Variants in PINLYP observed in about 807,000 individuals in gnomAD.
PINLYP encodes phospholipase A2 inhibitor and Ly6/PLAUR domain-containing protein.
PINLYP carries 12 observed loss-of-function variants against 15.8 expected under a neutral mutation model. That is an observed-to-expected ratio of 0.76 (90% CI 0.49 to 1.23). The LOEUF (loss-of-function observed/expected upper bound fraction) is 1.23, where lower values mean the gene tolerates loss of function less well. Ranked by LOEUF, PINLYP falls within the 50% of genes most tolerant of loss-of-function variation. PINLYP has a pLI of 0.00. For missense variants in PINLYP, 278 were observed against 264.2 expected (o/e 1.05, Z -0.36); for synonymous variants, 93 against 97.7 (o/e 0.95, Z 0.28).
intron 3 of PINLYP, among the ~76,000 whole-genome samples, chr19:43,579,270 G>C (rs372508914): frequency 7.9e-5 from 12 of 152,076 alleles, no homozygotes; most frequent in African/African-American, 2.4e-4. Flanking sequence ...TTTTGAGACA[G>C]AGTCTCGCTC....
In PINLYP at chr19:43,581,197, G is replaced by C; in HGVS notation, c.188-15G>C. 6.5e-7 allele frequency: 1 copy of C among 1,536,270 alleles called. No individual in the cohort carries two copies. Reference sequence around the variant, plus strand: ...TGGTCAGCCAGCACTGTCCCTGCCTGTCCCCATCCCACAGAGGGCAAGGAG... The same window carrying C: ...TGGTCAGCCAGCACTGTCCCTGCCTCTCCCCATCCCACAGAGGGCAAGGAG... On this transcript the variant is annotated splice_polypyrimidine_tract_variant and intron_variant, in intron 3 of 5. Coordinates refer to ENST00000599207, the Ensembl canonical transcript of PINLYP.
intron 2 of PINLYP, 125 bp from the exon 3 acceptor site, chr19:43,578,465 C>T (rs991904213): frequency 3.2e-5 from 21 of 649,974 alleles, no homozygotes; most frequent in Admixed American, 1.0e-4. Context: ...GTCAACATCC[C>T]GCCCATGAAA....
At chr19:43,581,080 GAAAA>G (rs199659802) in intron 3 of PINLYP, 128 bp from the exon 4 acceptor site, 1 of 1,072,778 alleles carries the variant, frequency 9.3e-7, no homozygotes. Context: ...AGAAAAGAAA[GAAAA>G]AAAAGAAAGA....
exon 4 of PINLYP, chr19:43,581,261 C>A: frequency 6.5e-7 from 1 of 1,537,164 alleles, no homozygotes; most frequent in African/African-American, 1.4e-5. Context: ...GGTCCCAGGA[C>A]TGCTACTCCG....
rs867061005 is a variant in PINLYP, at chr19:43,581,491, C to T, written c.341-72C>T. ...TGTCTATTAGCAACCCTGGTGTTTCCCGGGGTTGTTGGGAGGTTGGGGGAA... is the reference window on the plus strand; with the variant it reads ...TGTCTATTAGCAACCCTGGTGTTTCTCGGGGTTGTTGGGAGGTTGGGGGAA... On this transcript the variant is annotated intron_variant, in intron 4 of 5. Coordinates refer to ENST00000599207, the Ensembl canonical transcript of PINLYP. 4.0e-6 allele frequency: 6 copies of T among 1,507,942 alleles called. No individual in the cohort carries two copies. In the African/African-American group the frequency reaches 6.9e-5, roughly 17 times the overall value. 93.4% of individuals were successfully genotyped at this position (1,507,942 alleles called of 1,614,324 possible).
At position 43,580,558 on chromosome 19, in the gene PINLYP, T is replaced by TG. The variant is rs1462899916; in HGVS notation, c.188-649dup. 8.2e-5 allele frequency: 78 copies of TG among 947,702 alleles called. 1 individual carries two copies. Among genetic ancestry groups the TG allele is most frequent in the Non-Finnish European group, 9.2e-5 (76 of 822,560 alleles). 58.7% of individuals were successfully genotyped at this position (947,702 alleles called of 1,614,324 possible). A position where few individuals can be genotyped will look rare whatever the true frequency, so the allele number is the denominator to read the frequency against. On this transcript the variant is annotated intron_variant, in intron 3 of 5. Transcript: ENST00000599207. Reference sequence around the variant, plus strand: ...TGGAAGAGACCATTTCACGAAGGCATGGGGGTGGCCATAGGCGGCCTGAAA... The same window carrying TG: ...TGGAAGAGACCATTTCACGAAGGCATGGGGGGTGGCCATAGGCGGCCTGAAA...
At chr19:43,577,878 A>C (rs955429625) in intron 2 of PINLYP, among the ~76,000 whole-genome samples, 1 of 152,184 alleles carries the variant, frequency 6.6e-6, no homozygotes, top group East Asian at 1.9e-4. Flanking sequence ...TGCACTCCCC[A>C]GCCTGGGTGA....
chr19:43,575,548 C>T (rs750297329), upstream of PINLYP: 10 of 1,433,582 alleles, frequency 7.0e-6, no homozygotes, highest in African/African-American at 1.4e-5. Flanking sequence ...GGGGTGCGCC[C>T]TGCGCTGGCT....
chr19:43,581,517 C>T (rs573690945), intron 4 of PINLYP, 46 bp from the exon 5 acceptor site: 41 of 1,513,380 alleles, frequency 2.7e-5, no homozygotes, highest in East Asian at 1.7e-4. Context: ...GTTGGGGGAA[C>T]GGCTTAAACA....
At chr19:43,581,749 C>T (rs1972937214) in intron 5 of PINLYP, 46 bp downstream of exon 5, 1 of 1,534,980 alleles carries the variant, frequency 6.5e-7, no homozygotes, top group African/African-American at 1.4e-5. Flanking sequence ...AACTAGAGGT[C>T]CAAACTTCTA....
chr19:43,581,164 C>G (rs886588497), intron 3 of PINLYP, 48 bp from the exon 4 acceptor site: 4 of 1,522,222 alleles, frequency 2.6e-6, no homozygotes, highest in East Asian at 4.9e-5. Flanking sequence ...GGGGTTGAAG[C>G]CAGGGAGTGG....
At chr19:43,579,600 G>A (rs1274852307) in intron 3 of PINLYP, among the ~76,000 whole-genome samples, 3 of 149,948 alleles carry the variant, frequency 2.0e-5, no homozygotes, top group African/African-American at 4.9e-5. Context: ...AGATGTGGAT[G>A]AGTAAAATGA....
rs1972900093 is a variant in PINLYP at position 43,579,099 on chromosome 19, G to A, written c.187+393G>A. ...GATAGAGAAGGAAGAGGCTGGGCTG[G>A]GGTGGGAAAGTGTAAGTGTAATCAG... On this transcript the variant is annotated intron_variant, in intron 3 of 5. Transcript: ENST00000599207. 4 of 261,728 alleles carry A rather than the reference G, an allele frequency of 1.5e-5. No individual in the cohort carries two copies. The South Asian group carries it at 1.6e-4, about 11-fold the overall frequency. The allele number at this position is 261,728 out of a possible 1,614,324, so 16.2% of individuals were successfully genotyped here.
intron 2 of PINLYP, 72 bp from the exon 3 acceptor site, chr19:43,578,518 T>C (rs1972891468): frequency 5.3e-6 from 6 of 1,133,148 alleles, no homozygotes; most frequent in Non-Finnish European, 7.5e-6. Context: ...GACACAAAAG[T>C]CCTAAGTCAA....
At chr19:43,578,971 ACTTT>A in intron 3 of PINLYP, 17 of 374,900 alleles carry the variant, frequency 4.5e-5, no homozygotes, top group South Asian at 4.0e-4. Context: ...GAGTTAATAG[ACTTT>A]CTTAGGCAGA....
intron 3 of PINLYP, chr19:43,580,809 C>G (rs1269991196): frequency 1.1e-5 from 7 of 644,964 alleles, no homozygotes; most frequent in Non-Finnish European, 1.2e-5. Flanking sequence ...TTGAAAGAGA[C>G]CGCCCCGGCC....
At chr19:43,575,662 C>A (rs1972853049), upstream of PINLYP, 2 of 450,596 alleles carry the variant, frequency 4.4e-6, no homozygotes, top group African/African-American at 2.0e-5. Flanking sequence ...GCGGGAAGAG[C>A]GCTGCGTTCC....
At chr19:43,576,969 G>A in intron 1 of PINLYP, 50 bp downstream of exon 1, 1 of 660,284 alleles carries the variant, frequency 1.5e-6, no homozygotes, top group Non-Finnish European at 2.4e-6. Context: ...AGAGGGGGAT[G>A]GAAGCCCAGA....
chr19:43,578,857 T>C (rs1201930074), intron 3 of PINLYP, 151 bp downstream of exon 3: 2 of 623,074 alleles, frequency 3.2e-6, no homozygotes, highest in Non-Finnish European at 5.8e-6. Context: ...AAGACCATCA[T>C]GAGATGGAGG....
Sources: allele counts gnomAD v4.1 joint callset (sites outside exome capture counted in the v4.1 genomes callset), GRCh38; gene constraint gnomAD v4.1.1; transcripts MANE v1.5; gene names NCBI Gene and HGNC (gene_info 2026-07-23, HGNC 2026-07-21).